The following NEGR1 variants were observed in gnomAD, a reference collection of about 807,000 sequenced individuals.
NEGR1 encodes the protein neuronal growth regulator 1.
Under a neutral mutation model 40.9 loss-of-function variants are expected in NEGR1, and 10 were observed. That is an observed-to-expected ratio of 0.24 (90% CI 0.15 to 0.42). The LOEUF (loss-of-function observed/expected upper bound fraction) is 0.42, where lower values mean the gene tolerates loss of function less well. Among genes scored for constraint, NEGR1 ranks in the 10% least tolerant of loss-of-function variants. The pLI, the probability that NEGR1 is intolerant of heterozygous loss-of-function variation, is 1.00. For synonymous variants in NEGR1, 185 were observed against 166.8 expected (o/e 1.11, Z -0.84); for missense variants, 352 against 438.9 (o/e 0.80, Z 1.77).
At chr1:71,623,621 A>C (rs971821560) in intron 4 of NEGR1, among the ~76,000 whole-genome samples, 2 of 152,002 alleles carry the variant, frequency 1.3e-5, no homozygotes, top group Admixed American at 6.6e-5. Context: ...AAGCTAAATC[A>C]GAACATGCAC....
intron 2 of NEGR1, among the ~76,000 whole-genome samples, chr1:71,921,904 G>C (rs1168148073): frequency 6.6e-6 from 1 of 151,870 alleles, no homozygotes; most frequent in Non-Finnish European, 1.5e-5. Context: ...GGAGGTCAGT[G>C]TCCCTAACCC....
chr1:71,755,946 G>A (rs1163584498), intron 3 of NEGR1, among the ~76,000 whole-genome samples: 1 of 152,008 alleles, frequency 6.6e-6, no homozygotes, highest in Non-Finnish European at 1.5e-5. Context: ...ATGAGTTAAG[G>A]ATATTTTATT....
intron 1 of NEGR1, among the ~76,000 whole-genome samples, chr1:72,170,057 GTGTA>G (rs1651905837): frequency 6.6e-6 from 1 of 152,104 alleles, no homozygotes; most frequent in African/African-American, 2.4e-5. Context: ...TATAGAAAAT[GTGTA>G]CCTCTTTAAA....
chr1:71,590,278 G>GT (rs1649456600), intron 6 of NEGR1, among the ~76,000 whole-genome samples: 1 of 152,098 alleles, frequency 6.6e-6, no homozygotes, highest in African/African-American at 2.4e-5. Flanking sequence ...CTAAGATGAT[G>GT]TTTTGAGTTG....
chr1:71,783,775 C>T (rs369006686), intron 2 of NEGR1, among the ~76,000 whole-genome samples: 19 of 152,204 alleles, frequency 1.2e-4, no homozygotes, highest in African/African-American at 4.1e-4. Flanking sequence ...TTCTGTCCTT[C>T]GTGGGGTCAC....
intron 1 of NEGR1, among the ~76,000 whole-genome samples, chr1:72,178,540 G>T (rs190052909): frequency 1.3e-5 from 2 of 151,806 alleles, no homozygotes; most frequent in Non-Finnish European, 2.9e-5. Context: ...TGCTTAGACT[G>T]TATCTAGGAA....
At chr1:71,642,412 AGAAAAG>A (rs1651383020) in intron 4 of NEGR1, among the ~76,000 whole-genome samples, 2 of 151,856 alleles carry the variant, frequency 1.3e-5, no homozygotes, top group African/African-American at 4.8e-5. Context: ...AAAGAGAAGA[AGAAAAG>A]GAAGAGTGGG....
At chr1:71,811,155 C>G (rs1657987835) in intron 2 of NEGR1, among the ~76,000 whole-genome samples, 1 of 152,036 alleles carries the variant, frequency 6.6e-6, no homozygotes, top group African/African-American at 2.4e-5. Flanking sequence ...ATTATATTTA[C>G]CTCCTAAATC....
At chr1:71,531,652 A>C (rs1009408126) in intron 6 of NEGR1, among the ~76,000 whole-genome samples, 1 of 151,352 alleles carries the variant, frequency 6.6e-6, no homozygotes, top group African/African-American at 2.4e-5. Context: ...ACCCCTGTAA[A>C]ATGGGAAACT....
chr1:72,004,032 T>G (rs2100387077), intron 1 of NEGR1, among the ~76,000 whole-genome samples: 1 of 152,194 alleles, frequency 6.6e-6, no homozygotes, highest in African/African-American at 2.4e-5. Context: ...GTGAGATCAG[T>G]ATGCCTCATT....
At chr1:71,770,842 AC>A (rs1381428356) in intron 3 of NEGR1, among the ~76,000 whole-genome samples, 1 of 152,190 alleles carries the variant, frequency 6.6e-6, no homozygotes, top group Non-Finnish European at 1.5e-5. Context: ...GCACTTTTAT[AC>A]TGTTGGTGGG....
intron 1 of NEGR1, among the ~76,000 whole-genome samples, chr1:72,250,016 T>C (rs890227775): frequency 1.3e-5 from 2 of 152,204 alleles, no homozygotes; most frequent in African/African-American, 2.4e-5. Context: ...GATTTTGCTG[T>C]GAAGATACTT....
chr1:71,603,196 G>A (rs1649980047), intron 5 of NEGR1, among the ~76,000 whole-genome samples: 1 of 152,208 alleles, frequency 6.6e-6, no homozygotes, highest in Non-Finnish European at 1.5e-5. Flanking sequence ...AGTGAAATCT[G>A]AAGTTAGAAG....
chr1:72,125,632 A>C (rs764310236), intron 1 of NEGR1, among the ~76,000 whole-genome samples: 12 of 152,172 alleles, frequency 7.9e-5, no homozygotes, highest in African/African-American at 2.9e-4. Context: ...CAGAGCACAG[A>C]TAGTGTATTA....
intron 6 of NEGR1, among the ~76,000 whole-genome samples, chr1:71,584,526 T>C (rs1649238149): frequency 6.6e-6 from 1 of 152,168 alleles, no homozygotes; most frequent in African/African-American, 2.4e-5. Context: ...GGATCTTTTA[T>C]TAGGGGTCAC....
chr1:72,241,620 A>G (rs1482191349), intron 1 of NEGR1, among the ~76,000 whole-genome samples: 4 of 151,672 alleles, frequency 2.6e-5, no homozygotes, highest in Non-Finnish European at 4.4e-5. Context: ...TTGTGTTGCG[A>G]AAGACCCTGA....
intron 1 of NEGR1, among the ~76,000 whole-genome samples, chr1:71,958,660 GACC>G: frequency 6.6e-6 from 1 of 152,190 alleles, no homozygotes; most frequent in South Asian, 2.1e-4. Flanking sequence ...CTTGTTTTAA[GACC>G]AAACTTTTCA....
Position 71,611,117 on chromosome 1 carries a change from C to A in NEGR1, c.697G>T (p.Gly233Cys). ...FAPTIQEIKSGTVTPGRSGLI... is the reference protein window; with the variant it reads ...FAPTIQEIKSCTVTPGRSGLI... Reference sequence around the variant, plus strand: ...CCACTGCGTCCGGGGGTCACGGTGCCAGATTTAATTTCCTGAATAGTAGGA... The same window carrying A: ...CCACTGCGTCCGGGGGTCACGGTGCAAGATTTAATTTCCTGAATAGTAGGA... Residue 233 changes from glycine to cysteine, a missense_variant, in exon 5 of 7, where the codon GGC (glycine) becomes TGC (cysteine). Gly to Cys is a radical substitution (Grantham distance 159). This residue lies in a region of NEGR1 where 184 missense variants were observed against 208.7 expected (regional missense o/e 0.88). Transcript: ENST00000357731. 6.2e-7 allele frequency: 1 copy of A among 1,613,876 alleles called. No individual in the cohort carries two copies. The highest frequency in any genetic ancestry group is 8.5e-7 in the Non-Finnish European group (1 of 1,179,906).
In NEGR1 at chr1:72,210,177, A is replaced by G. The variant is rs770152095; in HGVS notation, c.176+72142T>C. Among the ~76,000 whole-genome samples, 3 of 151,938 alleles carry G rather than the reference A, an allele frequency of 2.0e-5. No individual in the cohort carries two copies. The South Asian group carries it at 6.2e-4, about 31-fold the overall frequency. On this transcript the variant is annotated intron_variant, in intron 1 of 6. Coordinates refer to ENST00000357731, the MANE Select transcript of NEGR1 (RefSeq NM_173808.3). ...CCATAAATAAAAACTATTTTCATAAATAGTTTGAGATCTTGTCTTTTTTAC... is the reference window on the plus strand; with the variant it reads ...CCATAAATAAAAACTATTTTCATAAGTAGTTTGAGATCTTGTCTTTTTTAC...
Sources: allele counts gnomAD v4.1 joint callset (sites outside exome capture counted in the v4.1 genomes callset), GRCh38; gene constraint gnomAD v4.1.1; regional missense constraint gnomAD v4.1.1; transcripts MANE v1.5; gene names NCBI Gene and HGNC (gene_info 2026-07-23, HGNC 2026-07-21).